NLRP9: variants seen among roughly 807,000 people sequenced by gnomAD.
The protein encoded by NLRP9 is NLR family pyrin domain containing 9.
NLRP9 carries 88 observed loss-of-function variants against 83.1 expected under a neutral mutation model. That is an observed-to-expected ratio of 1.06 (90% CI 0.89 to 1.26). The LOEUF (loss-of-function observed/expected upper bound fraction) is 1.26, where lower values mean the gene tolerates loss of function less well. Ranked by LOEUF, NLRP9 falls within the 50% of genes most tolerant of loss-of-function variation. The pLI is 0.00. For missense variants in NLRP9, 1,308 were observed against 1,179.3 expected, an observed-to-expected ratio of 1.11 and a Z score of -1.60; for synonymous variants, 521 against 447.6, an observed-to-expected ratio of 1.16 and a Z score of -2.07.
At position 55,724,129 on chromosome 19, in the gene NLRP9, G is replaced by A; in HGVS notation, c.2010C>T (p.Tyr670=). 1 of 1,606,454 alleles carries A rather than the reference G, an allele frequency of 6.2e-7. No homozygotes were observed. Reference sequence around the variant, plus strand: ...TAAATAATTCTGAATCATGTCCAAAGTACACAGAAGTAAATCTGCAAAAGA... The same window carrying A: ...TAAATAATTCTGAATCATGTCCAAAATACACAGAAGTAAATCTGCAAAAGA... ...KLRKLIFTSV[Y]FGHDSELFKA... Residue 670 remains tyrosine (Y), a synonymous_variant, in exon 4 of 9, where the codon TAC becomes TAT. Transcript: ENST00000332836.
At position 55,709,060 on chromosome 19, in the gene NLRP9, T is replaced by TA; in HGVS notation, c.2844-17dup. 6.5e-7 allele frequency: 1 copy of TA among 1,549,678 alleles called. No individual in the cohort carries two copies. Among genetic ancestry groups the TA allele is most frequent in the South Asian group, 1.3e-5 (1 of 79,670 alleles). ...TTTGTGCAGCCTGGGAAAATAGAAATAAAGTTTTTTTTTTTGTTTTTCATT... is the reference window on the plus strand; with the variant it reads ...TTTGTGCAGCCTGGGAAAATAGAAATAAAAGTTTTTTTTTTTGTTTTTCATT... On this transcript the variant is annotated splice_polypyrimidine_tract_variant and intron_variant, in intron 8 of 8. Transcript: ENST00000332836.
At chr19:55,723,001 T>C (rs866834303) in intron 4 of NLRP9, among the ~76,000 whole-genome samples, 5 of 151,462 alleles carry the variant, frequency 3.3e-5, no homozygotes, top group African/African-American at 1.2e-4. Flanking sequence ...TGTCGGTGGG[T>C]GGGGAGCTGG....
intron 4 of NLRP9, among the ~76,000 whole-genome samples, 175 bp downstream of exon 4, chr19:55,723,805 G>T (rs1448804824): frequency 6.6e-6 from 1 of 151,728 alleles, no homozygotes; most frequent in East Asian, 1.9e-4. Context: ...CTTCTGAGAG[G>T]AGGCCTTGCC....
rs184525447 is a variant in NLRP9 at position 55,711,642 on chromosome 19, G to A, written c.2843+158C>T. On this transcript the variant is annotated intron_variant, in intron 8 of 8. Transcript: ENST00000332836. Reference sequence around the variant, plus strand: ...TTGCTTGACATCTTACAATGTCAATGGTTTTTATATTTTATAGTGTCAACA... The same window carrying A: ...TTGCTTGACATCTTACAATGTCAATAGTTTTTATATTTTATAGTGTCAACA... 205 of 880,532 alleles carry A rather than the reference G, an allele frequency of 2.3e-4. 1 individual carries two copies. The highest frequency in any genetic ancestry group is 1.6e-3 in the Admixed American group (71 of 43,968). The allele number at this position is 880,532 out of a possible 1,614,324, so 54.5% of individuals were successfully genotyped here.
At position 55,732,559 on chromosome 19, in the gene NLRP9, C is replaced by A. The variant is rs75470507; in HGVS notation, c.1272G>T (p.Glu424Asp). Residue 424 changes from glutamate to aspartate, a missense_variant, in exon 2 of 9, where the codon GAG (glutamate) becomes GAT (aspartate). By Grantham distance (45) the Glu-to-Asp change is conservative (BLOSUM62 2). Transcript: ENST00000332836. ...GTCTCATACCCACCCACATCACGCCCTCAGACTCAGATAACCCATTCCTCC... is the reference window on the plus strand; with the variant it reads ...GTCTCATACCCACCCACATCACGCCATCAGACTCAGATAACCCATTCCTCC... Reference protein sequence around the residue: ...DLRRNGLSESEGVMWVGMRLL... With the variant: ...DLRRNGLSESDGVMWVGMRLL... The A allele has an allele frequency of 6.2e-7, 1 of 1,614,226 alleles. No homozygotes were observed. The highest frequency in any genetic ancestry group is 8.5e-7 in the Non-Finnish European group (1 of 1,180,038).
chr19:55,711,338 A>G, intron 8 of NLRP9: 1 of 1,070,132 alleles, frequency 9.3e-7, no homozygotes, highest in Non-Finnish European at 1.1e-6. Flanking sequence ...AAATAGGTAC[A>G]ACTCTAAAGG....
intron 4 of NLRP9, 98 bp downstream of exon 4, chr19:55,723,882 G>A (rs140998610): frequency 1.1e-6 from 1 of 877,110 alleles, no homozygotes; most frequent in South Asian, 1.7e-5. Context: ...AGAGATGAAG[G>A]CTGATGCAAT....
At chr19:55,733,633 A>T (rs1009000790) in intron 1 of NLRP9, 83 bp from the exon 2 acceptor site, 1 of 858,962 alleles carries the variant, frequency 1.2e-6, no homozygotes, top group Non-Finnish European at 1.8e-6. Flanking sequence ...CCAAAAATAA[A>T]ATTCTAATAC....
Position 55,738,176 on chromosome 19 carries a change from G to A in NLRP9, c.199C>T (p.Gln67Ter), listed in dbSNP as rs907786545. The change falls in exon 1 of 9, where the codon CAG becomes TAG. Residue 67 changes from glutamine to a stop codon, truncating the protein, a stop_gained. Coordinates refer to ENST00000332836, the MANE Select transcript of NLRP9 (RefSeq NM_176820.4). LOFTEE classifies it high-confidence loss of function. ...AGGTTCAGTGTTACCTCCCATGCCT[G>A]CTTTCCTGGGTAATGTTTGTCCAGC... ...KLLDKHYPGKQAWEVTLNLFL... is the reference protein window; with the variant it reads ...KLLDKHYPGK 2 of 1,614,072 alleles carry A rather than the reference G, an allele frequency of 1.2e-6. No individual in the cohort carries two copies. The highest frequency in any genetic ancestry group is 1.1e-5 in the South Asian group (1 of 91,078).
intron 1 of NLRP9, among the ~76,000 whole-genome samples, chr19:55,736,076 G>GT (rs753852107): frequency 2.1e-4 from 32 of 149,766 alleles, no homozygotes; most frequent in African/African-American, 6.1e-4. Context: ...GACCTCCAAG[G>GT]TTTTTTTTTG....
At chr19:55,711,355 T>A (rs1854980716) in intron 8 of NLRP9, 7 of 1,150,560 alleles carry the variant, frequency 6.1e-6, no homozygotes, top group Non-Finnish European at 7.6e-6. Flanking sequence ...AAGGCAAACC[T>A]AATTTTCAGA....
intron 1 of NLRP9, among the ~76,000 whole-genome samples, chr19:55,736,130 G>A (rs1282098945): frequency 6.6e-6 from 1 of 151,508 alleles, no homozygotes; most frequent in African/African-American, 2.4e-5. Context: ...GATGATTCAC[G>A]CCTGTAATCC....
At chr19:55,714,879 C>T (rs1250259305) in intron 6 of NLRP9, among the ~76,000 whole-genome samples, 176 bp downstream of exon 6, 1 of 152,108 alleles carries the variant, frequency 6.6e-6, no homozygotes, top group Non-Finnish European at 1.5e-5. Context: ...AACCTCATCA[C>T]CTCCCAGAGG....
rs761604810 is a variant in NLRP9 at position 55,712,582 on chromosome 19, C to G, written c.2510G>C (p.Gly837Ala). 12 of 1,611,798 alleles carry G rather than the reference C, an allele frequency of 7.4e-6. No homozygotes were observed. Among genetic ancestry groups the G allele is most frequent in the Non-Finnish European group, 1.0e-5 (12 of 1,179,732 alleles). Residue 837 changes from glycine (G) to alanine (A), a missense_variant, in exon 7 of 9, where the codon GGC becomes GCC. Transcript: ENST00000332836. ...ACAGGAATCGGAAGTAAGGAAACAGCCCATCAACCTGGGGAGGTGGAAGAC... is the reference window on the plus strand; with the variant it reads ...ACAGGAATCGGAAGTAAGGAAACAGGCCATCAACCTGGGGAGGTGGAAGAC... ...GCSIRELWLM[G>A]CFLTSDSCKD...
intron 5 of NLRP9, among the ~76,000 whole-genome samples, chr19:55,716,049 G>A (rs1392539641): frequency 6.6e-6 from 1 of 152,156 alleles, no homozygotes; most frequent in Non-Finnish European, 1.5e-5. Flanking sequence ...CTATGGATAT[G>A]TATGTCAAAT....
intron 6 of NLRP9, among the ~76,000 whole-genome samples, chr19:55,714,450 T>C (rs2122287809): frequency 6.6e-6 from 1 of 152,202 alleles, no homozygotes; most frequent in Admixed American, 6.6e-5. Flanking sequence ...GCTCAGGCAG[T>C]CAGGGCCACT....
chr19:55,730,471 A>G (rs1214955704), intron 2 of NLRP9, among the ~76,000 whole-genome samples: 1 of 151,286 alleles, frequency 6.6e-6, no homozygotes, highest in Non-Finnish European at 1.5e-5. Flanking sequence ...AAAAAAAAGG[A>G]GCACTATTTA....
intron 3 of NLRP9, among the ~76,000 whole-genome samples, chr19:55,729,456 A>T (rs964809274): frequency 6.6e-6 from 1 of 151,876 alleles, no homozygotes; most frequent in Non-Finnish European, 1.5e-5. Context: ...TCATTGTTCA[A>T]TTCCCACCTA....
intron 4 of NLRP9, among the ~76,000 whole-genome samples, chr19:55,720,136 G>C (rs1414057728): frequency 6.6e-6 from 1 of 152,144 alleles, no homozygotes; most frequent in Non-Finnish European, 1.5e-5. Flanking sequence ...GATAACTACT[G>C]TTGTTCACTT....
Sources: allele counts gnomAD v4.1 joint callset (sites outside exome capture counted in the v4.1 genomes callset), GRCh38; gene constraint gnomAD v4.1.1; transcripts MANE v1.5; gene names NCBI Gene and HGNC (gene_info 2026-07-23, HGNC 2026-07-21).